The following FLNA variants were observed in gnomAD, a reference collection of about 807,000 sequenced individuals.
FLNA encodes the protein filamin A.
A neutral mutation model predicts 157.6 loss-of-function variants in FLNA; 7 were observed. That is an observed-to-expected ratio of 0.04 (90% confidence interval 0.03 to 0.08). FLNA has a LOEUF of 0.08. Ranked by LOEUF, FLNA falls within the 10% of genes least tolerant of loss-of-function variation. The probability of loss-of-function intolerance (pLI) is 1.00; values close to 1 mark genes in which losing one functional copy is unlikely to be tolerated. For missense variants in FLNA, 1,750 were observed against 2,398.4 expected (o/e 0.73, Z 5.65); for synonymous variants, 1,103 against 1,060.8 (o/e 1.04, Z -0.77).
At chrX:154,363,916 G>A in intron 15 of FLNA, 106 bp downstream of exon 15, 1 of 874,932 alleles carries the variant, frequency 1.1e-6, no homozygotes, top group Non-Finnish European at 1.7e-6. Flanking sequence ...CAGGAGCTGT[G>A]GGACAGGGGA....
chrX:154,358,598 G>T, intron 26 of FLNA, 30 bp from the exon 27 acceptor site: 1 of 1,204,919 alleles, frequency 8.3e-7, no homozygotes, highest in South Asian at 1.8e-5. Context: ...CAGAGCATCA[G>T]CTAGTCTCCT....
chrX:154,368,676 C>G (rs1323451539), intron 2 of FLNA, among the ~76,000 whole-genome samples: 1 of 112,577 alleles, frequency 8.9e-6, no homozygotes, highest in Non-Finnish European at 1.9e-5. Flanking sequence ...GATTGTGACC[C>G]CCGCCACCAC....
At chrX:154,367,051 G>A (rs781864348) in intron 5 of FLNA, among the ~76,000 whole-genome samples, 8 of 112,102 alleles carry the variant, frequency 7.1e-5, no homozygotes, top group African/African-American at 1.9e-4. Context: ...CCTGTTTTCT[G>A]GAACATTCAT....
At position 154,351,657 on chromosome X, in the gene FLNA, A is replaced by G. The variant is rs781985045; in HGVS notation, c.6947T>C (p.Ile2316Thr). Residue 2316 changes from isoleucine (I) to threonine (T), a missense_variant, in exon 43 of 48, where the codon ATT (isoleucine) becomes ACT (threonine). By Grantham distance (89) the Ile-to-Thr change is moderately conservative. This residue lies in a region of FLNA where 970 missense variants were observed against 1,302.6 expected (regional missense o/e 0.74). Coordinates refer to ENST00000369850, the MANE Select transcript of FLNA (RefSeq NM_001110556.2). ...EVSVKFNEEH[I>T]PDSPFVVPVA... ...AGGCACCACGAAGGGGCTGTCGGGA[A>G]TGTGTTCCTCGTTGAACTTGACTGA... 8.3e-7 allele frequency: 1 copy of G among 1,207,950 alleles called. No homozygotes were observed. Among genetic ancestry groups the G allele is most frequent in the South Asian group, 1.8e-5 (1 of 56,949 alleles).
Position 154,352,772 on chromosome X carries a change from C to A in FLNA, c.6379G>T (p.Gly2127Cys), listed in dbSNP as rs1028791955. ...NIKFADQHVPGSPFSVKVTGE... is the reference protein window; with the variant it reads ...NIKFADQHVPCSPFSVKVTGE... ...GCTGCCGAGGCACTGCTGCACTCAC[C>A]AGGCACGTGCTGGTCGGCAAACTTG... The change falls in exon 39 of 48, where the codon GGC becomes TGC. Residue 2127 changes from glycine to cysteine, a missense_variant and splice_region_variant. By Grantham distance (159) the Gly-to-Cys change is radical. Coordinates refer to ENST00000369850, the MANE Select transcript of FLNA (RefSeq NM_001110556.2). 2 of 1,211,003 alleles carry A rather than the reference C, an allele frequency of 1.7e-6. No individual in the cohort carries two copies. The highest frequency in any genetic ancestry group is 3.5e-5 in the African/African-American group (2 of 57,592).
chrX:154,364,646 G>A lies in FLNA; in HGVS notation c.1902C>T (p.Arg634=), dbSNP rs782136908. 54 of 1,208,883 alleles carry A rather than the reference G, an allele frequency of 4.5e-5. No individual in the cohort carries two copies. Among genetic ancestry groups the A allele is most frequent in the Non-Finnish European group, 6.0e-5 (54 of 894,895 alleles). The change falls in exon 13 of 48, where the codon CGC becomes CGT. Residue 634 remains arginine, a synonymous_variant. Coordinates refer to ENST00000369850, the MANE Select transcript of FLNA (RefSeq NM_001110556.2). ...ACTCGCCAGCCTCCTGCGGCCAGTA[G>A]CGCACATCACAGGAGCCGTCGCCCT... ...DDKGDGSCDV[R]YWPQEAGEYA...
At chrX:154,350,310 G>T in intron 44 of FLNA, 103 bp from the exon 45 acceptor site, 1 of 780,149 alleles carries the variant, frequency 1.3e-6, no homozygotes, top group Non-Finnish European at 1.9e-6. Flanking sequence ...CATTTTGCCG[G>T]TCCATCAGTG....
intron 30 of FLNA, 88 bp from the exon 31 acceptor site, chrX:154,355,160 C>T: frequency 1.0e-6 from 1 of 993,676 alleles, no homozygotes; most frequent in Non-Finnish European, 1.4e-6. Flanking sequence ...CCACACAGGC[C>T]TCTCATTGCC....
intron 40 of FLNA, 25 bp from the exon 41 acceptor site, chrX:154,352,472 A>T: frequency 9.9e-6 from 12 of 1,211,037 alleles, no homozygotes; most frequent in Non-Finnish European, 1.3e-5. Context: ...TGGGCTAGTG[A>T]GCAGCAGCCC....
rs782330707 is a variant in FLNA, at chrX:154,359,360, C to T, written c.4189G>A (p.Glu1397Lys). The change falls in exon 25 of 48, where the codon GAG becomes AAG. Residue 1397 changes from glutamate (E) to lysine (K), a missense_variant. Physicochemically the swap from Glu to Lys is moderately conservative, Grantham distance 56. Coordinates refer to ENST00000369850, the MANE Select transcript of FLNA (RefSeq NM_001110556.2). Reference sequence around the variant, plus strand: ...TTATCCATGCAGGACATCTTGGCCTCGGAGGGGCCCTCTACAGCCAGGCCC... The same window carrying T: ...TTATCCATGCAGGACATCTTGGCCTTGGAGGGGCCCTCTACAGCCAGGCCC... Reference protein sequence around the residue: ...GLGLAVEGPSEAKMSCMDNKD... With the variant: ...GLGLAVEGPSKAKMSCMDNKD... The T allele has an allele frequency of 5.0e-6, 6 of 1,210,081 alleles. No individual in the cohort carries two copies. In the South Asian group the frequency reaches 5.3e-5, roughly 11 times the overall value.
chrX:154,371,496 A>G (rs951254507), intron 1 of FLNA, 135 bp from the exon 2 acceptor site: 198 of 391,555 alleles, frequency 5.1e-4, no homozygotes, highest in Non-Finnish European at 6.0e-4. Context: ...GAATGCCCCC[A>G]CTAGGCCCCC....
chrX:154,369,677 G>C (rs1042226551), intron 2 of FLNA, among the ~76,000 whole-genome samples: 1 of 112,182 alleles, frequency 8.9e-6, no homozygotes, highest in African/African-American at 3.2e-5. Context: ...CCCCTAAAGA[G>C]CTGGGGTGTG....
chrX:154,369,743 G>A (rs1012221954), intron 2 of FLNA, among the ~76,000 whole-genome samples: 1 of 111,743 alleles, frequency 8.9e-6, no homozygotes, highest in African/African-American at 3.3e-5. Context: ...AGATGACTCA[G>A]CTTGGCTAGA....
intron 5 of FLNA, 124 bp from the exon 6 acceptor site, chrX:154,366,974 G>C (rs1557179454): frequency 1.8e-6 from 1 of 565,367 alleles, no homozygotes; most frequent in African/African-American, 2.2e-5. Flanking sequence ...AGTTCATTCA[G>C]TGTGAGCTGT....
Position 154,364,703 on chromosome X carries a change from C to A in FLNA, c.1845G>T (p.Gly615=), listed in dbSNP as rs1235844693. The A allele has an allele frequency of 8.3e-7, 1 of 1,207,098 alleles. No homozygotes were observed. Among genetic ancestry groups the A allele is most frequent in the Non-Finnish European group, 1.1e-6 (1 of 894,465 alleles). ...CACATTCGATCTTAGCCTGCGATGG[C>A]CCTTCCACCGAGAAGCCTGACAACA... is the stretch of plus-strand genomic sequence containing the variant. ...DVGTLGFSVE[G]PSQAKIECDD... The change falls in exon 13 of 48, where the codon GGG becomes GGT. Residue 615 remains glycine (G), a synonymous_variant. Coordinates refer to ENST00000369850, the MANE Select transcript of FLNA (RefSeq NM_001110556.2).
intron 2 of FLNA, among the ~76,000 whole-genome samples, chrX:154,370,291 T>C (rs143776557): frequency 0.049 from 5,444 of 112,240 alleles, 331 homozygotes; most frequent in African/African-American, 0.17. Context: ...TTTTGCTAAC[T>C]ATGCTTCTTT....
At position 154,370,850 on chromosome X, in the gene FLNA, C is replaced by T. The variant is rs782671629; in HGVS notation, c.373+23G>A. The T allele has an allele frequency of 2.7e-5, 33 of 1,205,622 alleles. No individual in the cohort carries two copies. In the East Asian group the frequency reaches 9.5e-4, roughly 35 times the overall value. On this transcript the variant is annotated intron_variant, in intron 2 of 47. Transcript: ENST00000369850. ...CACGGAGTCCCCGCCCCCGCCCGCC[C>T]GGCGCTTCGGGGCGTCCCTCACCGA...
intron 19 of FLNA, 58 bp from the exon 20 acceptor site, chrX:154,361,845 C>A: frequency 1.8e-6 from 2 of 1,107,760 alleles, no homozygotes; most frequent in Admixed American, 2.2e-5. Flanking sequence ...GCTCCCCAAC[C>A]CCCTCCTGGA....
chrX:154,364,383 A>T lies in FLNA; in HGVS notation c.2023-11T>A, dbSNP rs1557178696. 2 of 1,200,793 alleles carry T rather than the reference A, an allele frequency of 1.7e-6. No individual in the cohort carries two copies. The highest frequency in any genetic ancestry group is 2.3e-6 in the Non-Finnish European group (2 of 888,772). On this transcript the variant is annotated splice_polypyrimidine_tract_variant and intron_variant, in intron 13 of 47. Transcript: ENST00000369850. ...CCCACGTGCCTTCACCTAGCGGGAG[A>T]CCACCCAGCTGTCAGGGGGCCAGGT...
Sources: gnomAD v4.1 joint callset for allele counts (sites outside exome capture counted in the v4.1 genomes callset) on GRCh38, gnomAD v4.1.1 for gene constraint, gnomAD v4.1.1 regional missense constraint, MANE v1.5 for transcripts, NCBI Gene and HGNC (gene_info 2026-07-23, HGNC 2026-07-21) for gene names.